AP1G1: variants seen among roughly 807,000 people sequenced by gnomAD.
AP1G1 encodes the protein AP-1 complex subunit gamma-1.
Under a neutral mutation model 108.3 loss-of-function variants are expected in AP1G1, and 7 were observed. The observed-to-expected ratio is 0.06, with a 90% CI of 0.04 to 0.12. The LOEUF (loss-of-function observed/expected upper bound fraction) is 0.12, where lower values mean the gene tolerates loss of function less well. AP1G1 is among the 10% of genes least tolerant of loss of function. The pLI is 1.00. For synonymous variants in AP1G1, 379 were observed against 353.5 expected, an observed-to-expected ratio of 1.07 and a Z score of -0.81; for missense variants, 756 against 1,010.7, an observed-to-expected ratio of 0.75 and a Z score of 3.42.
At chr16:71,808,473 T>G (rs1163313511) in intron 1 of AP1G1, 3 of 1,227,654 alleles carry the variant, frequency 2.4e-6, no homozygotes, top group Non-Finnish European at 3.1e-6. Context: ...GATCGCAGCC[T>G]GAGAAAGTCA....
intron 4 of AP1G1, among the ~76,000 whole-genome samples, chr16:71,771,770 C>T (rs1204066816): frequency 6.6e-6 from 1 of 152,216 alleles, no homozygotes; most frequent in South Asian, 2.1e-4. Context: ...GATAATCATA[C>T]CTCTGAGTAA....
intron 15 of AP1G1, 111 bp downstream of exon 15, chr16:71,749,783 G>T: frequency 2.3e-6 from 2 of 869,162 alleles, no homozygotes; most frequent in Non-Finnish European, 3.8e-6. Context: ...GAGCCACCAC[G>T]CCTGGCCTAA....
intron 10 of AP1G1, among the ~76,000 whole-genome samples, chr16:71,759,789 TAAATATA>T (rs1179656952): frequency 6.6e-6 from 1 of 151,440 alleles, no homozygotes; most frequent in Non-Finnish European, 1.5e-5. Context: ...TAAATTAAAT[TAAATATA>T]AAATATAAAA....
In AP1G1 at chr16:71,774,555, G is replaced by A; in HGVS notation, c.239C>T (p.Thr80Ile). ...CLKLIASQKF[T>I]DKRIGYLGAM... ...CCCTAAATAGCCAATGCGTTTGTCT[G>A]TAAATTTTTGAGAGGCAATAAGCTT... Residue 80 changes from threonine to isoleucine, a missense_variant, in exon 3 of 23, where the codon ACA becomes ATA. Thr to Ile is a moderately conservative substitution (Grantham distance 89, BLOSUM62 -1). This residue lies in a region of AP1G1 where 304 missense variants were observed against 483.6 expected (regional missense o/e 0.63). Coordinates refer to ENST00000299980, the MANE Select transcript of AP1G1 (RefSeq NM_001128.6). The A allele has an allele frequency of 6.3e-7, 1 of 1,594,630 alleles. No individual in the cohort carries two copies.
rs2031438308 is a variant in AP1G1, at chr16:71,768,908, ACT to A, written c.642+713_642+714del. On this transcript the variant is annotated intron_variant, in intron 6 of 22. Coordinates refer to ENST00000299980, the MANE Select transcript of AP1G1 (RefSeq NM_001128.6). ...ACTCCAGCATGGGCGACAGAGCAAG[ACT>A]CTGTCTCAAAAAAAAAAAAAAAAAA... Among the ~76,000 whole-genome samples the A allele has an allele frequency of 6.2e-5, 7 of 112,872 alleles. No homozygotes were observed. In the South Asian group the frequency reaches 2.2e-3, roughly 36 times the overall value. The allele number at this position is 112,872 out of a possible 152,430, so 74.0% of individuals were successfully genotyped here.
intron 13 of AP1G1, chr16:71,751,400 A>G (rs965318807): frequency 1.5e-4 from 23 of 151,568 alleles, no homozygotes; most frequent in Non-Finnish European, 3.4e-4. Flanking sequence ...CCATTCCTAA[A>G]TAGAACAATA....
At chr16:71,755,809 C>T (rs1045069032) in intron 12 of AP1G1, among the ~76,000 whole-genome samples, 111 of 152,104 alleles carry the variant, frequency 7.3e-4, no homozygotes, top group Middle Eastern at 3.4e-3. Context: ...CCAGGCCCAA[C>T]AAATTTTTGT....
At position 71,736,098 on chromosome 16, in the gene AP1G1, C is replaced by CAAAAAA. The variant is rs1213680207; in HGVS notation, c.2269-1397_2269-1392dup. 7.9e-5 allele frequency among the ~76,000 whole-genome samples: 2 copies of CAAAAAA among 25,426 alleles called. 1 individual carries two copies. The highest frequency in any genetic ancestry group is 1.2e-4 in the Non-Finnish European group (2 of 17,022). The allele number at this position is 25,426 out of a possible 152,430, so 16.7% of individuals were successfully genotyped here. A position where few individuals can be genotyped will look rare whatever the true frequency, so the allele number is the denominator to read the frequency against. ...TGGGTGACAGAGTGAGACTCCATCT[C>CAAAAAA]AAAAAAAAAAAAAAAAAAAATATAT... is the stretch of plus-strand genomic sequence containing the variant. On this transcript the variant is annotated intron_variant, in intron 21 of 22. Coordinates refer to ENST00000299980, the MANE Select transcript of AP1G1 (RefSeq NM_001128.6).
At chr16:71,767,735 A>C in intron 6 of AP1G1, 1 of 798,244 alleles carries the variant, frequency 1.3e-6, no homozygotes, top group Non-Finnish European at 1.9e-6. Flanking sequence ...AAGTTAGCCA[A>C]AGATGGTAGA....
chr16:71,735,092 TGAAAA>T (rs2045516975), intron 21 of AP1G1, among the ~76,000 whole-genome samples: 1 of 152,108 alleles, frequency 6.6e-6, no homozygotes. Context: ...CAGAAAGAAA[TGAAAA>T]GAAAAGCTTC....
At chr16:71,741,488 C>A (rs1055526205) in intron 19 of AP1G1, among the ~76,000 whole-genome samples, 5 of 152,138 alleles carry the variant, frequency 3.3e-5, no homozygotes, top group African/African-American at 1.2e-4. Flanking sequence ...GAGGCTGAGG[C>A]AGGAGAATCG....
intron 11 of AP1G1, 172 bp from the exon 12 acceptor site, chr16:71,756,331 T>C: frequency 2.0e-6 from 1 of 498,124 alleles, no homozygotes; most frequent in Non-Finnish European, 3.4e-6. Flanking sequence ...TATTCTTACA[T>C]AATCAAAGTT....
intron 1 of AP1G1, among the ~76,000 whole-genome samples, chr16:71,792,638 G>C (rs1400959103): frequency 1.3e-5 from 2 of 152,038 alleles, no homozygotes; most frequent in African/African-American, 4.8e-5. Context: ...TGGATCACCT[G>C]AGGTCAGGAG....
intron 1 of AP1G1, chr16:71,807,835 CG>C: frequency 7.8e-7 from 1 of 1,289,178 alleles, no homozygotes; most frequent in South Asian, 1.2e-5. Flanking sequence ...GACAGATTTC[CG>C]TGCTCAGGGA....
chr16:71,784,583 G>C (rs1172271666), intron 2 of AP1G1, among the ~76,000 whole-genome samples: 1 of 152,144 alleles, frequency 6.6e-6, no homozygotes, highest in Non-Finnish European at 1.5e-5. Flanking sequence ...GTTTGAGACA[G>C]AGTCTCGCTT....
intron 1 of AP1G1, among the ~76,000 whole-genome samples, chr16:71,795,189 A>T (rs2032543931): frequency 6.6e-6 from 1 of 152,114 alleles, no homozygotes; most frequent in African/African-American, 2.4e-5. Context: ...ACTGACAGCC[A>T]ACTATCAAGG....
At chr16:71,769,363 G>A (rs997704650) in intron 6 of AP1G1, among the ~76,000 whole-genome samples, 2 of 151,958 alleles carry the variant, frequency 1.3e-5, no homozygotes, top group African/African-American at 2.4e-5. Flanking sequence ...TGTGAAAACA[G>A]TAGATAAAAC....
intron 13 of AP1G1, among the ~76,000 whole-genome samples, chr16:71,752,036 G>T (rs934021494): frequency 1.3e-5 from 2 of 152,074 alleles, no homozygotes; most frequent in Admixed American, 6.6e-5. Context: ...GTTATAAAAA[G>T]AATAATATAC....
At chr16:71,769,487 T>C (rs1326573498) in intron 6 of AP1G1, 136 bp downstream of exon 6, 2 of 818,078 alleles carry the variant, frequency 2.4e-6, no homozygotes, top group Non-Finnish European at 4.2e-6. Flanking sequence ...CCAGGCCAAT[T>C]GCATAGCAGG....
Sources: allele counts gnomAD v4.1 joint callset (sites outside exome capture counted in the v4.1 genomes callset), GRCh38; gene constraint gnomAD v4.1.1; regional missense constraint gnomAD v4.1.1; transcripts MANE v1.5; gene names NCBI Gene and HGNC (gene_info 2026-07-23, HGNC 2026-07-21).